BMPR1A: variants seen among roughly 807,000 people sequenced by gnomAD.
The protein encoded by BMPR1A is bone morphogenetic protein receptor type-1A.
BMPR1A carries 7 observed loss-of-function variants against 66.0 expected under a neutral mutation model. The observed-to-expected ratio is 0.11, with a 90% CI of 0.06 to 0.20. BMPR1A has a LOEUF of 0.20. Ranked by LOEUF, BMPR1A falls within the 10% of genes least tolerant of loss-of-function variation. The pLI, the probability that BMPR1A is intolerant of heterozygous loss-of-function variation, is 1.00. For synonymous variants in BMPR1A, 200 were observed against 229.7 expected, an observed-to-expected ratio of 0.87 and a Z score of 1.17; for missense variants, 408 against 669.1, an observed-to-expected ratio of 0.61 and a Z score of 4.31.
At chr10:86,862,309 G>A (rs1359669971) in intron 2 of BMPR1A, among the ~76,000 whole-genome samples, 1 of 152,096 alleles carries the variant, frequency 6.6e-6, no homozygotes, top group Middle Eastern at 3.2e-3. Context: ...CAGCAGTCCC[G>A]GGGAAGACCA....
At position 86,756,798 on chromosome 10, in the gene BMPR1A, ACC is replaced by A. The variant is rs1847875511; in HGVS notation, c.-388_-387del. On this transcript the variant is annotated 5_prime_UTR_variant, in exon 1 of 13. Coordinates refer to ENST00000372037, the MANE Select transcript of BMPR1A (RefSeq NM_004329.3). Reference sequence around the variant, plus strand: ...GATCGCACGGCCCGATCGAGGGGCGACCGGGTCGGGGCCGCTGCACGCCAAGG... The same window carrying A: ...GATCGCACGGCCCGATCGAGGGGCGAGGGTCGGGGCCGCTGCACGCCAAGG... 6.6e-6 allele frequency: 1 copy of A among 150,950 alleles called. No individual in the cohort carries two copies. The highest frequency in any genetic ancestry group is 1.5e-5 in the Non-Finnish European group (1 of 67,656). The allele number at this position is 150,950 out of a possible 1,614,324, so 9.4% of individuals were successfully genotyped here. A position where few individuals can be genotyped will look rare whatever the true frequency, so the allele number is the denominator to read the frequency against.
chr10:86,918,584 T>C (rs1843610282), intron 9 of BMPR1A, among the ~76,000 whole-genome samples: 2 of 152,176 alleles, frequency 1.3e-5, no homozygotes, highest in Admixed American at 1.3e-4. Context: ...CTCCAGGTTA[T>C]TTGTATAATA....
chr10:86,928,048 T>C (rs924719061), downstream of BMPR1A: 1 of 171,328 alleles, frequency 5.8e-6, no homozygotes, highest in African/African-American at 2.4e-5. Context: ...TTTGTAATGA[T>C]TAAGTTAGTG....
At chr10:86,758,160 C>T (rs1211120383) in intron 1 of BMPR1A, among the ~76,000 whole-genome samples, 1 of 152,144 alleles carries the variant, frequency 6.6e-6, no homozygotes, top group African/African-American at 2.4e-5. Context: ...TATGAAAGGC[C>T]GATTGAAATG....
At chr10:86,872,441 C>T (rs2133299986) in intron 2 of BMPR1A, among the ~76,000 whole-genome samples, 1 of 152,206 alleles carries the variant, frequency 6.6e-6, no homozygotes, top group Middle Eastern at 3.4e-3. Flanking sequence ...GCCACTTAAC[C>T]TGTTGTGTGA....
chr10:86,780,929 G>A (rs1006167924), intron 1 of BMPR1A, among the ~76,000 whole-genome samples: 2 of 152,080 alleles, frequency 1.3e-5, no homozygotes, highest in South Asian at 2.1e-4. Flanking sequence ...TGCCCAGGCT[G>A]GTCTCAAGCT....
intron 1 of BMPR1A, among the ~76,000 whole-genome samples, chr10:86,810,139 T>G (rs936093367): frequency 4.0e-5 from 6 of 151,572 alleles, no homozygotes; most frequent in Non-Finnish European, 8.8e-5. Flanking sequence ...CCCGACTAAT[T>G]TTTGTATTAT....
intron 8 of BMPR1A, among the ~76,000 whole-genome samples, chr10:86,913,267 G>A (rs916072562): frequency 6.7e-6 from 1 of 150,122 alleles, no homozygotes; most frequent in African/African-American, 2.5e-5. Flanking sequence ...GGAATTACCA[G>A]ATGCACCACC....
chr10:86,838,893 C>T lies in BMPR1A; in HGVS notation c.-239C>T, dbSNP rs932080321. The T allele has an allele frequency of 5.3e-5, 8 of 151,904 alleles. No homozygotes were observed. Among genetic ancestry groups the T allele is most frequent in the African/African-American group, 1.7e-4 (7 of 41,312 alleles). The allele number at this position is 151,904 out of a possible 1,614,324, so 9.4% of individuals were successfully genotyped here. Reference sequence around the variant, plus strand: ...TATGAAAATATGCATCAGTTTAATACTGTCTTGGAATTCATGAGATGGAAG... The same window carrying T: ...TATGAAAATATGCATCAGTTTAATATTGTCTTGGAATTCATGAGATGGAAG... On this transcript the variant is annotated 5_prime_UTR_variant, in exon 2 of 13. Coordinates refer to ENST00000372037, the MANE Select transcript of BMPR1A (RefSeq NM_004329.3).
At chr10:86,787,625 G>A (rs983000695) in intron 1 of BMPR1A, among the ~76,000 whole-genome samples, 1 of 152,128 alleles carries the variant, frequency 6.6e-6, no homozygotes, top group Non-Finnish European at 1.5e-5. Context: ...TGTATTAGTC[G>A]ATTCTCACAT....
intron 9 of BMPR1A, among the ~76,000 whole-genome samples, chr10:86,917,967 A>C (rs1873806): frequency 0.016 from 2,509 of 152,300 alleles, 74 homozygotes; most frequent in African/African-American, 0.058. Context: ...CGAGGCTAGA[A>C]GTTTAAAACC....
chr10:86,848,145 C>T (rs1485338725), intron 2 of BMPR1A, among the ~76,000 whole-genome samples: 4 of 152,068 alleles, frequency 2.6e-5, no homozygotes, highest in Admixed American at 6.5e-5. Context: ...GTTGGTCAGG[C>T]TGGTCTTGAA....
chr10:86,914,792 G>GT (rs1227692227), intron 8 of BMPR1A, among the ~76,000 whole-genome samples: 1 of 152,178 alleles, frequency 6.6e-6, no homozygotes, highest in Admixed American at 6.5e-5. Context: ...TTGAAAAATA[G>GT]TTTGACAATT....
intron 1 of BMPR1A, among the ~76,000 whole-genome samples, chr10:86,793,094 A>ACCCCCCCCCTC (rs142292233): frequency 9.4e-6 from 1 of 106,032 alleles, no homozygotes; most frequent in Non-Finnish European, 1.9e-5. Flanking sequence ...CCTGATCTAT[A>ACCCCCCCCCTC]CCCCCCCCCA....
At chr10:86,783,497 T>G (rs528983697) in intron 1 of BMPR1A, among the ~76,000 whole-genome samples, 3 of 152,354 alleles carry the variant, frequency 2.0e-5, no homozygotes, top group Admixed American at 6.5e-5. Context: ...TCTTTCCCAT[T>G]TGTGTGTTTA....
intron 1 of BMPR1A, among the ~76,000 whole-genome samples, chr10:86,819,286 A>G (rs1393089050): frequency 6.6e-6 from 1 of 152,124 alleles, no homozygotes; most frequent in African/African-American, 2.4e-5. Flanking sequence ...CTTTTCAATT[A>G]TACAGAATTT....
intron 1 of BMPR1A, among the ~76,000 whole-genome samples, chr10:86,784,648 T>C (rs775450245): frequency 1.3e-5 from 2 of 152,150 alleles, no homozygotes; most frequent in East Asian, 1.9e-4. Flanking sequence ...TTTTTTGTTG[T>C]TGGGAAGTTT....
rs368906085 is a variant in BMPR1A, at chr10:86,907,313, G to C, written c.531-4927G>C. Among the ~76,000 whole-genome samples, 25 of 152,244 alleles carry C rather than the reference G, an allele frequency of 1.6e-4. No individual in the cohort carries two copies. In the East Asian group the frequency reaches 4.8e-3, roughly 29 times the overall value. ...TATCAACCTCACCCCAATTAAAATG[G>C]CCATTATCAAAAAGAAAACAAATGC... On this transcript the variant is annotated intron_variant, in intron 7 of 12. Transcript: ENST00000372037.
intron 1 of BMPR1A, among the ~76,000 whole-genome samples, chr10:86,758,350 T>C (rs1356000534): frequency 6.7e-6 from 1 of 149,686 alleles, no homozygotes; most frequent in Non-Finnish European, 1.5e-5. Context: ...TTCTTAACCT[T>C]CCGTCAAAGA....
Sources: allele counts gnomAD v4.1 joint callset (sites outside exome capture counted in the v4.1 genomes callset), GRCh38; gene constraint gnomAD v4.1.1; transcripts MANE v1.5; gene names NCBI Gene and HGNC (gene_info 2026-07-23, HGNC 2026-07-21).